Variants in DDHD1 observed in about 807,000 individuals in gnomAD.
DDHD1 encodes DDHD domain containing 1, also known as phospholipase DDHD1.
In DDHD1, 49 loss-of-function variants were observed where a neutral mutation model predicts 96.4. That is an observed-to-expected ratio of 0.51 (90% CI 0.40 to 0.64). The LOEUF (loss-of-function observed/expected upper bound fraction) is 0.64, where lower values mean the gene tolerates loss of function less well. Ranked by LOEUF, DDHD1 falls within the 30% of genes least tolerant of loss-of-function variation. DDHD1 has a pLI of 0.00. For missense variants in DDHD1, 1,106 were observed against 1,161.2 expected (o/e 0.95, Z 0.69); for synonymous variants, 442 against 446.5 (o/e 0.99, Z 0.13).
At chr14:53,145,470 T>C (rs1288354714) in intron 1 of DDHD1, among the ~76,000 whole-genome samples, 8 of 143,484 alleles carry the variant, frequency 5.6e-5, no homozygotes, top group African/African-American at 2.1e-4. Context: ...TCCACATTAT[T>C]CTGGCCTAAG....
At chr14:53,055,033 T>C (rs1882921159) in intron 10 of DDHD1, among the ~76,000 whole-genome samples, 1 of 152,210 alleles carries the variant, frequency 6.6e-6, no homozygotes, top group Non-Finnish European at 1.5e-5. Flanking sequence ...AAACAATGTA[T>C]TAACATGAGA....
chr14:53,059,994 AATG>A (rs1454789350), intron 8 of DDHD1, among the ~76,000 whole-genome samples: 1 of 151,836 alleles, frequency 6.6e-6, no homozygotes, highest in Non-Finnish European at 1.5e-5. Context: ...ATTGTTTTAC[AATG>A]TATGGTATAT....
chr14:53,078,983 A>G (rs1885201878), intron 4 of DDHD1, among the ~76,000 whole-genome samples: 1 of 149,676 alleles, frequency 6.7e-6, no homozygotes, highest in African/African-American at 2.5e-5. Flanking sequence ...TTTTTCCTTC[A>G]TTCTACACAT....
At chr14:53,137,400 T>C (rs186807806) in intron 1 of DDHD1, among the ~76,000 whole-genome samples, 171 of 145,290 alleles carry the variant, frequency 1.2e-3, no homozygotes, top group Non-Finnish European at 2.1e-3. Flanking sequence ...GAGAGCAGCC[T>C]GGCCAACATG....
At chr14:53,052,612 GAAGC>G (rs1398677812) in intron 11 of DDHD1, 3 of 151,988 alleles carry the variant, frequency 2.0e-5, no homozygotes, top group African/African-American at 7.2e-5. Context: ...TTACATTATT[GAAGC>G]AAGCCAAATA....
rs1881828157 is a variant in DDHD1, at chr14:53,043,819, T to C, written c.*2949A>G. 6.6e-6 allele frequency: 1 copy of C among 152,210 alleles called. No individual in the cohort carries two copies. The highest frequency in any genetic ancestry group is 2.1e-4 in the South Asian group (1 of 4,832). 9.4% of individuals were successfully genotyped at this position (152,210 alleles called of 1,614,324 possible). On this transcript the variant is annotated 3_prime_UTR_variant, in exon 13 of 13. Transcript: ENST00000673822. Reference sequence around the variant, plus strand: ...GTTGAAAAGAAAGTATGAACTAACATAAGGCCTTAGCAAGACTAATTTTAA... The same window carrying C: ...GTTGAAAAGAAAGTATGAACTAACACAAGGCCTTAGCAAGACTAATTTTAA...
At chr14:53,136,320 T>G (rs896231874) in intron 1 of DDHD1, among the ~76,000 whole-genome samples, 1 of 152,182 alleles carries the variant, frequency 6.6e-6, no homozygotes, top group Admixed American at 6.5e-5. Flanking sequence ...CACGGACGCA[T>G]GAGACAGTAC....
intron 12 of DDHD1, 76 bp downstream of exon 12, chr14:53,051,767 AT>A: frequency 8.2e-7 from 1 of 1,224,540 alleles, no homozygotes; most frequent in Non-Finnish European, 1.2e-6. Flanking sequence ...AACTGATCCA[AT>A]TTTTCAATAA....
At chr14:53,100,377 G>A (rs777869666) in intron 2 of DDHD1, among the ~76,000 whole-genome samples, 3 of 152,100 alleles carry the variant, frequency 2.0e-5, no homozygotes, top group Non-Finnish European at 4.4e-5. Flanking sequence ...GCTGAGGTGG[G>A]AGGGTCCTGG....
intron 1 of DDHD1, among the ~76,000 whole-genome samples, chr14:53,123,246 T>C (rs1204691640): frequency 3.3e-5 from 5 of 151,630 alleles, no homozygotes; most frequent in Non-Finnish European, 5.9e-5. Flanking sequence ...TCCAGAGTTC[T>C]AGTGATTCTC....
intron 1 of DDHD1, among the ~76,000 whole-genome samples, chr14:53,135,599 A>G (rs9323238): frequency 0.73 from 111,555 of 152,188 alleles, 43,680 homozygotes; most frequent in East Asian, 0.96. Context: ...CATGATCTGT[A>G]TTAGCTCACT....
chr14:53,047,957 T>C (rs1882172280), intron 12 of DDHD1, among the ~76,000 whole-genome samples: 1 of 152,128 alleles, frequency 6.6e-6, no homozygotes, highest in African/African-American at 2.4e-5. Flanking sequence ...AGTCTGCCCC[T>C]GAACATGCAC....
At chr14:53,152,147 ACGCC>A in intron 1 of DDHD1, 110 bp downstream of exon 1, 1 of 1,090,644 alleles carries the variant, frequency 9.2e-7, no homozygotes, top group Admixed American at 3.3e-5. Context: ...CCCCAGCCAA[ACGCC>A]AGGCCTCACG....
intron 1 of DDHD1, among the ~76,000 whole-genome samples, chr14:53,130,648 C>T (rs974995123): frequency 4.6e-5 from 7 of 152,224 alleles, no homozygotes; most frequent in African/African-American, 1.7e-4. Flanking sequence ...CCTCCAGGAC[C>T]TCCTCCCCCA....
rs781619772 is a variant in DDHD1, at chr14:53,152,777, T to C, written c.322A>G (p.Ser108Gly). 1.1e-5 allele frequency: 17 copies of C among 1,526,064 alleles called. No individual in the cohort carries two copies. Among genetic ancestry groups the C allele is most frequent in the East Asian group, 9.7e-5 (4 of 41,068 alleles). The allele number at this position is 1,526,064 out of a possible 1,614,324, so 94.5% of individuals were successfully genotyped here. ...GACAAGGAGCTGCCGCCGCCGCCGCTCTCACCCTCGCTGTAGTAGCGCAGC... is the reference window on the plus strand; with the variant it reads ...GACAAGGAGCTGCCGCCGCCGCCGCCCTCACCCTCGCTGTAGTAGCGCAGC... The part of the protein sequence containing the change: ...SSLRYYSEGE[S>G]GGGGSSLSLH... Residue 108 changes from serine to glycine, a missense_variant, in exon 1 of 13, where the codon AGC becomes GGC. Ser to Gly is a moderately conservative substitution (Grantham distance 56, BLOSUM62 0). This residue lies in a region of DDHD1 where 456 missense variants were observed against 402.4 expected (regional missense o/e 1.13). Transcript: ENST00000673822.
rs138674111 is a variant in DDHD1, at chr14:53,123,171, G to T, written c.839-19315C>A. 3.4e-4 allele frequency among the ~76,000 whole-genome samples: 49 copies of T among 145,870 alleles called. No homozygotes were observed. The East Asian group carries it at 7.1e-3, about 21-fold the overall frequency. ...TTATTATTATTATTATTTTGAGATG[G>T]AGTATTACTGTGTCACCCAGGCTGG... is the stretch of plus-strand genomic sequence containing the variant. On this transcript the variant is annotated intron_variant, in intron 1 of 12. Coordinates refer to ENST00000673822, the MANE Select transcript of DDHD1 (RefSeq NM_001160148.2).
chr14:53,110,971 G>A (rs1888057762), intron 1 of DDHD1, among the ~76,000 whole-genome samples: 1 of 152,170 alleles, frequency 6.6e-6, no homozygotes, highest in Non-Finnish European at 1.5e-5. Context: ...GACACAGCGA[G>A]AGTCCGTCTC....
At chr14:53,083,874 G>A (rs981679669) in intron 4 of DDHD1, among the ~76,000 whole-genome samples, 3 of 152,056 alleles carry the variant, frequency 2.0e-5, no homozygotes, top group Non-Finnish European at 2.9e-5. Context: ...ACCTGTCTAC[G>A]AAGAAATGAT....
In DDHD1 at chr14:53,040,711, A is replaced by G. The variant is rs1881587185; in HGVS notation, c.*6057T>C. The G allele has an allele frequency of 6.6e-6, 1 of 152,210 alleles. No homozygotes were observed. Among genetic ancestry groups the G allele is most frequent in the African/African-American group, 2.4e-5 (1 of 41,460 alleles). 9.4% of individuals were successfully genotyped at this position (152,210 alleles called of 1,614,324 possible). A position where few individuals can be genotyped will look rare whatever the true frequency, so the allele number is the denominator to read the frequency against. On this transcript the variant is annotated 3_prime_UTR_variant, in exon 13 of 13. Transcript: ENST00000673822. ...AATGCATGCTTCAGTAAAACTGAAG[A>G]TTCTGAGAAAACTAACCTGCTTTGG...
Sources: gnomAD v4.1 joint callset for allele counts (sites outside exome capture counted in the v4.1 genomes callset) on GRCh38, gnomAD v4.1.1 for gene constraint, gnomAD v4.1.1 regional missense constraint, MANE v1.5 for transcripts, NCBI Gene and HGNC (gene_info 2026-07-23, HGNC 2026-07-21) for gene names.